CA5A: variants seen among roughly 807,000 people sequenced by gnomAD.
CA5A encodes the protein carbonic anhydrase 5A.
A neutral mutation model predicts 37.1 loss-of-function variants in CA5A; 28 were observed. The observed-to-expected ratio is 0.75, with a 90% CI of 0.56 to 1.03. The LOEUF is 1.03. CA5A is among the 50% of genes least tolerant of loss of function. The pLI is 0.00. For synonymous variants in CA5A, 171 were observed against 158.4 expected (o/e 1.08, Z -0.60); for missense variants, 444 against 399.9 (o/e 1.11, Z -0.94).
At chr16:87,915,341 C>T (rs375477098) in intron 2 of CA5A, among the ~76,000 whole-genome samples, 14 of 152,056 alleles carry the variant, frequency 9.2e-5, no homozygotes, top group East Asian at 5.8e-4. Flanking sequence ...ATTGAAAAAG[C>T]GATGTACCCA....
intron 2 of CA5A, among the ~76,000 whole-genome samples, chr16:87,913,607 A>AG (rs1216960451): frequency 6.6e-6 from 1 of 151,440 alleles, no homozygotes; most frequent in African/African-American, 2.4e-5. Context: ...CTCCTTTGAA[A>AG]TCTCTGCTCT....
At chr16:87,906,733 A>T (rs1330812194) in intron 2 of CA5A, among the ~76,000 whole-genome samples, 1 of 152,192 alleles carries the variant, frequency 6.6e-6, no homozygotes, top group African/African-American at 2.4e-5. Context: ...GGACCAAGCC[A>T]CAGAGCTGCT....
intron 2 of CA5A, chr16:87,923,937 T>C (rs886716042): frequency 3.0e-6 from 3 of 985,064 alleles, no homozygotes; most frequent in Admixed American, 6.1e-5. Context: ...TTTCAATATT[T>C]TGAAGTGGCT....
In CA5A at chr16:87,925,794, G is replaced by T. The variant is rs1390246914; in HGVS notation, c.340+954C>A. ...CTTGGTGGCTTTCAGGACCTCTCAA[G>T]TCACCTCCCAGCCCACCCCGTCCCT... is the stretch of plus-strand genomic sequence containing the variant. On this transcript the variant is annotated intron_variant, in intron 2 of 6. Coordinates refer to ENST00000649794, the MANE Select transcript of CA5A (RefSeq NM_001739.2). 2.0e-5 allele frequency among the ~76,000 whole-genome samples: 3 copies of T among 152,114 alleles called. No individual in the cohort carries two copies. In the East Asian group the frequency reaches 5.8e-4, roughly 29 times the overall value.
chr16:87,904,245 G>A (rs2055924046), intron 3 of CA5A, among the ~76,000 whole-genome samples: 1 of 152,192 alleles, frequency 6.6e-6, no homozygotes, highest in African/African-American at 2.4e-5. Context: ...GGGAGGCTGA[G>A]GCAGGAGAAT....
Position 87,911,305 on chromosome 16 carries a change from T to C in CA5A, c.341-6401A>G, listed in dbSNP as rs2056048960. On this transcript the variant is annotated intron_variant, in intron 2 of 6. Coordinates refer to ENST00000649794, the MANE Select transcript of CA5A (RefSeq NM_001739.2). This position sits in a 1 kb window ranked among gnomAD's most constrained non-coding sequence, Gnocchi z 4.6. ...ACGATTGCCTCAGCGCGTGCCAGAC[T>C]CTCCAAACATAATAACAGATGACGT... Among the ~76,000 whole-genome samples, 1 of 151,952 alleles carries C rather than the reference T, an allele frequency of 6.6e-6. No individual in the cohort carries two copies. Among genetic ancestry groups the C allele is most frequent in the African/African-American group, 2.4e-5 (1 of 41,376 alleles).
chr16:87,909,892 GT>G (rs1356573451), intron 2 of CA5A, among the ~76,000 whole-genome samples: 1 of 152,138 alleles, frequency 6.6e-6, no homozygotes, highest in Non-Finnish European at 1.5e-5. Flanking sequence ...TCGGACGCAC[GT>G]TCAGAAGCTG....
At chr16:87,914,910 C>T (rs894581494) in intron 2 of CA5A, among the ~76,000 whole-genome samples, 1 of 152,232 alleles carries the variant, frequency 6.6e-6, no homozygotes, top group African/African-American at 2.4e-5. Flanking sequence ...TGAGATGAAA[C>T]CTCGGCCTCC....
intron 2 of CA5A, among the ~76,000 whole-genome samples, chr16:87,916,824 T>C (rs1417479473): frequency 6.6e-6 from 1 of 151,944 alleles, no homozygotes; most frequent in Non-Finnish European, 1.5e-5. Context: ...GCTTTTGGGC[T>C]GGGCATGGTG....
intron 2 of CA5A, among the ~76,000 whole-genome samples, chr16:87,906,048 C>G (rs1436519257): frequency 6.6e-6 from 1 of 152,226 alleles, no homozygotes; most frequent in African/African-American, 2.4e-5. Context: ...TGTCTAAGTA[C>G]TTTGTCACTA....
At chr16:87,917,092 G>A (rs112987508) in intron 2 of CA5A, among the ~76,000 whole-genome samples, 3,342 of 139,686 alleles carry the variant, frequency 0.024, 148 homozygotes, top group African/African-American at 0.089. Context: ...GTGACAGAGC[G>A]AGAGTCTGTC....
chr16:87,936,203 C>A (rs568920284), intron 1 of CA5A, 106 bp downstream of exon 1: 65 of 603,556 alleles, frequency 1.1e-4, no homozygotes, highest in Middle Eastern at 3.0e-4. Flanking sequence ...GAGTGGAAAT[C>A]TGAACCCATC....
At chr16:87,893,608 G>C in intron 5 of CA5A, 3 of 704,746 alleles carry the variant, frequency 4.3e-6, no homozygotes, top group South Asian at 4.2e-5. Flanking sequence ...AGGGGAAGCT[G>C]ACAGACATAC....
intron 2 of CA5A, among the ~76,000 whole-genome samples, chr16:87,914,877 C>A (rs1178488596): frequency 6.6e-6 from 1 of 152,190 alleles, no homozygotes; most frequent in Non-Finnish European, 1.5e-5. Flanking sequence ...CAGAGAAGTG[C>A]AGCCATGAGC....
chr16:87,930,991 G>A (rs1035245493), intron 1 of CA5A, among the ~76,000 whole-genome samples: 6 of 151,738 alleles, frequency 4.0e-5, no homozygotes, highest in Non-Finnish European at 5.9e-5. Context: ...TGCCTGCCTC[G>A]GCCTCCCAAA....
chr16:87,904,740 A>C, intron 3 of CA5A, 46 bp downstream of exon 3: 1 of 1,157,610 alleles, frequency 8.6e-7, no homozygotes, highest in Non-Finnish European at 1.3e-6. Flanking sequence ...AGAGCCGGAG[A>C]CATGGAAAGT....
intron 5 of CA5A, among the ~76,000 whole-genome samples, chr16:87,892,673 CTTTT>C (rs368479550): frequency 7.7e-6 from 1 of 129,214 alleles, no homozygotes. Flanking sequence ...CCATCTTAAC[CTTTT>C]TTTTTTTTTT....
chr16:87,892,018 C>T (rs2055724226), intron 5 of CA5A, 64 bp from the exon 6 acceptor site: 1 of 1,431,150 alleles, frequency 7.0e-7, no homozygotes, highest in African/African-American at 1.5e-5. Flanking sequence ...TCCATCTTGT[C>T]TCAGCACGTG....
At chr16:87,936,171 T>TAAAA (rs57177923) in intron 1 of CA5A, 138 bp downstream of exon 1, 228 of 435,400 alleles carry the variant, frequency 5.2e-4, no homozygotes, top group South Asian at 1.1e-3. Flanking sequence ...GACGCCATCT[T>TAAAA]AAAAAAAAAA....
Sources: allele counts gnomAD v4.1 joint callset (sites outside exome capture counted in the v4.1 genomes callset), GRCh38; gene constraint gnomAD v4.1.1; non-coding constraint Gnocchi (gnomAD v3.1); transcripts MANE v1.5; gene names NCBI Gene and HGNC (gene_info 2026-07-23, HGNC 2026-07-21).